The following RIMS2 variants were observed in gnomAD, a reference collection of about 807,000 sequenced individuals.
The protein encoded by RIMS2 is regulating synaptic membrane exocytosis 2, also known as regulating synaptic membrane exocytosis protein 2.
RIMS2 carries 59 observed loss-of-function variants against 174.4 expected under a neutral mutation model. The observed-to-expected ratio is 0.34, with a 90% CI of 0.27 to 0.42. The LOEUF is 0.42. Ranked by LOEUF, RIMS2 falls within the 10% of genes least tolerant of loss-of-function variation. RIMS2 has a pLI of 1.00. For missense variants in RIMS2, 1,620 were observed against 1,666.3 expected (o/e 0.97, Z 0.48); for synonymous variants, 606 against 572.5 (o/e 1.06, Z -0.84).
chr8:103,781,079 G>T (rs1287387695), intron 3 of RIMS2, among the ~76,000 whole-genome samples: 1 of 152,160 alleles, frequency 6.6e-6, no homozygotes, highest in Non-Finnish European at 1.5e-5. Context: ...CTCATGCCCA[G>T]GGGATCTATG....
chr8:104,227,912 A>G (rs2099198438), intron 19 of RIMS2, among the ~76,000 whole-genome samples: 1 of 152,212 alleles, frequency 6.6e-6, no homozygotes, highest in Admixed American at 6.5e-5. Context: ...AAACTGAGGA[A>G]AGAGTCTTTG....
At chr8:104,063,404 T>A (rs2097042478) in intron 19 of RIMS2, among the ~76,000 whole-genome samples, 1 of 152,192 alleles carries the variant, frequency 6.6e-6, no homozygotes, top group Non-Finnish European at 1.5e-5. Context: ...CACATATGAC[T>A]GTTTATCAGA....
intron 19 of RIMS2, among the ~76,000 whole-genome samples, chr8:104,112,507 TAACC>T (rs2098206258): frequency 2.0e-5 from 3 of 152,180 alleles, no homozygotes; most frequent in Non-Finnish European, 4.4e-5. Context: ...CATGGGATGT[TAACC>T]GTAAACTTGA....
chr8:103,819,159 T>C, intron 3 of RIMS2: 1 of 1,037,612 alleles, frequency 9.6e-7, no homozygotes, highest in Non-Finnish European at 1.2e-6. Flanking sequence ...CATCTATTCA[T>C]TGCATGTTTT....
chr8:103,560,027 CTAGAAGGAGA>C (rs1207899189), intron 1 of RIMS2, among the ~76,000 whole-genome samples: 1 of 152,160 alleles, frequency 6.6e-6, no homozygotes, highest in Non-Finnish European at 1.5e-5. Context: ...GCCCTTTGAC[CTAGAAGGAGA>C]CATTATTATT....
intron 19 of RIMS2, among the ~76,000 whole-genome samples, chr8:104,035,230 G>T (rs2096489476): frequency 6.6e-6 from 1 of 150,562 alleles, no homozygotes; most frequent in African/African-American, 2.5e-5. Flanking sequence ...CTCTTATCTT[G>T]TATCTTATAT....
chr8:104,159,538 G>T (rs1038098336), intron 19 of RIMS2, among the ~76,000 whole-genome samples: 1 of 152,114 alleles, frequency 6.6e-6, no homozygotes, highest in African/African-American at 2.4e-5. Flanking sequence ...CCCACCAGTA[G>T]TGCACAAGAG....
intron 1 of RIMS2, among the ~76,000 whole-genome samples, chr8:103,502,217 T>G (rs561837469): frequency 1.7e-4 from 26 of 152,346 alleles, no homozygotes; most frequent in African/African-American, 6.3e-4. Context: ...AAGGAACTAA[T>G]ACACTCACCT....
chr8:103,588,120 G>T (rs2094060301), intron 1 of RIMS2, among the ~76,000 whole-genome samples: 1 of 151,478 alleles, frequency 6.6e-6, no homozygotes, highest in African/African-American at 2.4e-5. Context: ...AGTGAAGAGT[G>T]TGAAAAAGAA....
At chr8:103,948,928 C>G (rs1423972290) in intron 14 of RIMS2, among the ~76,000 whole-genome samples, 1 of 150,882 alleles carries the variant, frequency 6.6e-6, no homozygotes, top group African/African-American at 2.4e-5. Flanking sequence ...GAGTTCGAGA[C>G]CAACCTGTAC....
intron 1 of RIMS2, among the ~76,000 whole-genome samples, chr8:103,654,949 A>G (rs1315724367): frequency 6.6e-6 from 1 of 151,954 alleles, no homozygotes; most frequent in Non-Finnish European, 1.5e-5. Context: ...GTTCATTTTA[A>G]TCCATTTATA....
At chr8:103,742,394 T>C (rs2139387646) in intron 2 of RIMS2, among the ~76,000 whole-genome samples, 1 of 152,250 alleles carries the variant, frequency 6.6e-6, no homozygotes, top group East Asian at 1.9e-4. Flanking sequence ...CATATGTACA[T>C]AATGAGTCTG....
intron 1 of RIMS2, among the ~76,000 whole-genome samples, chr8:103,658,060 A>G (rs2096552772): frequency 6.6e-6 from 1 of 152,182 alleles, no homozygotes; most frequent in Non-Finnish European, 1.5e-5. Flanking sequence ...AATGACTAGG[A>G]TCAAGGTCTA....
chr8:103,526,457 A>G (rs1834021024), intron 1 of RIMS2, among the ~76,000 whole-genome samples: 1 of 152,226 alleles, frequency 6.6e-6, no homozygotes, highest in Non-Finnish European at 1.5e-5. Flanking sequence ...ATATGATGCC[A>G]TGTAACTGAA....
chr8:103,695,518 A>G (rs1374566749), intron 1 of RIMS2, among the ~76,000 whole-genome samples: 1 of 151,672 alleles, frequency 6.6e-6, no homozygotes, highest in Admixed American at 6.6e-5. Context: ...TTTCCATATG[A>G]TACTTCCAAG....
intron 1 of RIMS2, among the ~76,000 whole-genome samples, chr8:103,671,037 C>T (rs899097734): frequency 2.0e-5 from 3 of 152,242 alleles, no homozygotes; most frequent in South Asian, 2.1e-4. Flanking sequence ...CATGGTTCCA[C>T]GTGCCTGGGG....
chr8:103,547,214 C>T (rs989920998), intron 1 of RIMS2, among the ~76,000 whole-genome samples: 2 of 152,028 alleles, frequency 1.3e-5, no homozygotes, highest in South Asian at 2.1e-4. Flanking sequence ...GTGAGAAGAA[C>T]AATAGGGACT....
At chr8:103,938,836 A>C (rs764731754) in intron 13 of RIMS2, among the ~76,000 whole-genome samples, 6 of 152,350 alleles carry the variant, frequency 3.9e-5, no homozygotes, top group Admixed American at 6.5e-5. Flanking sequence ...GCCCCATGCA[A>C]GTCTGAAATC....
At position 104,041,581 on chromosome 8, in the gene RIMS2, G is replaced by A. The variant is rs370332403; in HGVS notation, c.3334+26966G>A. On this transcript the variant is annotated intron_variant, in intron 19 of 23. Coordinates refer to ENST00000504942, the Ensembl canonical transcript of RIMS2. ...AAAATAATTAATTTTTATGTAATAT[G>A]TATAGATGTAATTTTTCCATAAACT... Among the ~76,000 whole-genome samples the A allele has an allele frequency of 1.8e-4, 27 of 151,660 alleles. No homozygotes were observed. The East Asian group carries it at 3.7e-3, about 21-fold the overall frequency.
Sources: allele counts gnomAD v4.1 joint callset (sites outside exome capture counted in the v4.1 genomes callset), GRCh38; gene constraint gnomAD v4.1.1; transcripts MANE v1.5; gene names NCBI Gene and HGNC (gene_info 2026-07-23, HGNC 2026-07-21).